Variants in SYT7 observed in about 807,000 individuals in gnomAD.
The protein encoded by SYT7 is synaptotagmin-7.
In SYT7, 29 loss-of-function variants were observed where a neutral mutation model predicts 75.1. The ratio of observed to expected loss-of-function variants is 0.39; its 90% CI spans 0.29 to 0.53. The LOEUF is 0.53. Ranked by LOEUF, SYT7 falls within the 20% of genes least tolerant of loss-of-function variation. The pLI, the probability that SYT7 is intolerant of heterozygous loss-of-function variation, is 0.77. For synonymous variants in SYT7, 376 were observed against 401.7 expected, an observed-to-expected ratio of 0.94 and a Z score of 0.76; for missense variants, 693 against 953.2, an observed-to-expected ratio of 0.73 and a Z score of 3.59.
chr11:61,524,084 C>T lies in SYT7; in HGVS notation c.1642-143G>A, dbSNP rs937236079. 10 of 818,208 alleles carry T rather than the reference C, an allele frequency of 1.2e-5. No homozygotes were observed. The highest frequency in any genetic ancestry group is 2.0e-5 in the Non-Finnish European group (10 of 507,472). 50.7% of individuals were successfully genotyped at this position (818,208 alleles called of 1,614,324 possible). ...CACCTCTGTCTCACTCTGTCTCCCC[C>T]CATCTGGCAGGTGTGTGTACTGCCC... On this transcript the variant is annotated intron_variant, in intron 10 of 12. Coordinates refer to ENST00000539008, the MANE Select transcript of SYT7 (RefSeq NM_001365809.2). This position sits in a 1 kb window ranked among gnomAD's most constrained non-coding sequence, Gnocchi z 4.1.
chr11:61,539,677 T>A (rs2062985398), intron 6 of SYT7: 1 of 152,152 alleles, frequency 6.6e-6, no homozygotes, highest in African/African-American at 2.4e-5. Flanking sequence ...CTCTAACTTC[T>A]CAGAGCAGTT....
chr11:61,573,579 C>T (rs980677923), intron 1 of SYT7, among the ~76,000 whole-genome samples: 3 of 152,256 alleles, frequency 2.0e-5, no homozygotes, highest in Non-Finnish European at 4.4e-5. Context: ...CATGGCACTC[C>T]ATGCCTTACT....
chr11:61,536,391 G>C (rs1056997267), intron 7 of SYT7, among the ~76,000 whole-genome samples: 1 of 152,126 alleles, frequency 6.6e-6, no homozygotes, highest in African/African-American at 2.4e-5. Flanking sequence ...GCTCCCTCAC[G>C]CTTCACACCT....
intron 7 of SYT7, among the ~76,000 whole-genome samples, chr11:61,536,774 C>T (rs1427659542): frequency 1.3e-5 from 2 of 152,172 alleles, no homozygotes; most frequent in Non-Finnish European, 2.9e-5. Flanking sequence ...ACAGGCAAGC[C>T]AGCCATCTTG....
chr11:61,524,371 C>A lies in SYT7; in HGVS notation c.1633G>T (p.Asp545Tyr). 6.2e-7 allele frequency: 1 copy of A among 1,614,078 alleles called. No homozygotes were observed. The highest frequency in any genetic ancestry group is 8.5e-7 in the Non-Finnish European group (1 of 1,179,974). ...CACCCATGGGGCCTTACACTCCCAT[C>A]GCTGCATGGCTTCAGATCCTTCCAG... is the stretch of plus-strand genomic sequence containing the variant. ...TFWKDLKPCS[D>Y]GSGSRGELLL... Residue 545 changes from aspartate (D) to tyrosine (Y), a missense_variant, in exon 10 of 13, where the codon GAT becomes TAT. This residue lies in a region of SYT7 where 206 missense variants were observed against 360.0 expected (regional missense o/e 0.57). Transcript: ENST00000539008. This position sits in a 1 kb window ranked among gnomAD's most constrained non-coding sequence, Gnocchi z 4.1.
rs900120300 is a variant in SYT7, at chr11:61,524,719, A to G, written c.1472-187T>C. 2 of 549,454 alleles carry G rather than the reference A, an allele frequency of 3.6e-6. No homozygotes were observed. The highest frequency in any genetic ancestry group is 6.3e-6 in the Non-Finnish European group (2 of 315,692). The allele number at this position is 549,454 out of a possible 1,614,324, so 34.0% of individuals were successfully genotyped here. On this transcript the variant is annotated intron_variant, in intron 9 of 12. Transcript: ENST00000539008. The surrounding 1 kb of genome is among the most constrained non-coding windows in gnomAD (Gnocchi z 4.1). The stretch of plus-strand genomic sequence containing the variant: ...TGCTAGCAAGAACTGTCACCGTCTC[A>G]TGGGATTCCCTCAACAATTCTCCAA...
chr11:61,548,907 G>A (rs1565190499), intron 3 of SYT7, among the ~76,000 whole-genome samples: 1 of 152,188 alleles, frequency 6.6e-6, no homozygotes, highest in Non-Finnish European at 1.5e-5. Flanking sequence ...GGGACTCTGT[G>A]TACAGGGTTC....
At chr11:61,518,873 C>A (rs750764402) in intron 12 of SYT7, 142 bp from the exon 13 acceptor site, 12 of 505,740 alleles carry the variant, frequency 2.4e-5, no homozygotes, top group Non-Finnish European at 4.1e-5. Flanking sequence ...ACCTACCCCA[C>A]AGAGGCGCTC....
chr11:61,572,187 T>C (rs1590952419), intron 1 of SYT7, among the ~76,000 whole-genome samples: 2 of 149,756 alleles, frequency 1.3e-5, no homozygotes, highest in South Asian at 4.2e-4. Flanking sequence ...GAGAGAGGGG[T>C]TCCTCCCCTT....
In SYT7 at chr11:61,536,968, C is replaced by T. The variant is rs552596151; in HGVS notation, c.1064+1176G>A. Among the ~76,000 whole-genome samples the T allele has an allele frequency of 2.8e-4, 43 of 152,296 alleles. 1 individual carries two copies. Among genetic ancestry groups the T allele is most frequent in the Admixed American group, 2.4e-3 (36 of 15,298 alleles). On this transcript the variant is annotated intron_variant, in intron 7 of 12. Coordinates refer to ENST00000539008, the MANE Select transcript of SYT7 (RefSeq NM_001365809.2). ...TCCCTCATGAAAAGCTTAGCATATC[C>T]GAGCCTGAGGGGCCATTCCTTAGAG...
Position 61,523,026 on chromosome 11 carries a change from A to T in SYT7, c.1956+49T>A. 6.3e-7 allele frequency: 1 copy of T among 1,598,842 alleles called. No individual in the cohort carries two copies. Among genetic ancestry groups the T allele is most frequent in the African/African-American group, 1.3e-5 (1 of 74,694 alleles). ...CCCCGCTGCTTCTTTTAAGGAACGG[A>T]GCCTCACTGGTGCCAGCAGGTGCAC... On this transcript the variant is annotated intron_variant, in intron 12 of 12. Coordinates refer to ENST00000539008, the MANE Select transcript of SYT7 (RefSeq NM_001365809.2). This position sits in a 1 kb window ranked among gnomAD's most constrained non-coding sequence, Gnocchi z 5.0.
chr11:61,551,538 G>A lies in SYT7; in HGVS notation c.136-75C>T. ...CCTACCTCCCCAGAACAGGGACCCG[G>A]AGGGGAAGGAGATAGACTGGAGTCG... On this transcript the variant is annotated intron_variant, in intron 2 of 12. Transcript: ENST00000539008. This position sits in a 1 kb window ranked among gnomAD's most constrained non-coding sequence, Gnocchi z 5.3. 1 of 1,463,988 alleles carries A rather than the reference G, an allele frequency of 6.8e-7. No homozygotes were observed. Among genetic ancestry groups the A allele is most frequent in the Non-Finnish European group, 9.5e-7 (1 of 1,052,894 alleles). The allele number at this position is 1,463,988 out of a possible 1,614,324, so 90.7% of individuals were successfully genotyped here. A position where few individuals can be genotyped will look rare whatever the true frequency, so the allele number is the denominator to read the frequency against.
chr11:61,558,826 T>G (rs2135366283), intron 1 of SYT7, among the ~76,000 whole-genome samples: 1 of 152,248 alleles, frequency 6.6e-6, no homozygotes, highest in South Asian at 2.1e-4. Flanking sequence ...CACTGCAACC[T>G]CCACCTCCAT....
At chr11:61,573,229 GACTA>G (rs1218589938) in intron 1 of SYT7, among the ~76,000 whole-genome samples, 5 of 152,138 alleles carry the variant, frequency 3.3e-5, no homozygotes, top group East Asian at 1.9e-4. Context: ...TCCTCAAAAG[GACTA>G]ACTGTGTCCA....
chr11:61,533,229 CA>C, intron 7 of SYT7, 105 bp from the exon 8 acceptor site: 1 of 1,475,620 alleles, frequency 6.8e-7, no homozygotes, highest in South Asian at 1.4e-5. Context: ...CAGCAGCTGC[CA>C]TGCCCGGCGG....
Position 61,515,931 on chromosome 11 carries a change from A to T in SYT7, c.*2696T>A, listed in dbSNP as rs1010467969. On this transcript the variant is annotated 3_prime_UTR_variant, in exon 13 of 13. Coordinates refer to ENST00000539008, the MANE Select transcript of SYT7 (RefSeq NM_001365809.2). ...AGGATTCGGTAATTACACTTTGCTC[A>T]CGGGTAGCACCTTCGGAGTCCTCCT... is the stretch of plus-strand genomic sequence containing the variant. 3.9e-5 allele frequency: 6 copies of T among 152,570 alleles called. No homozygotes were observed. The highest frequency in any genetic ancestry group is 8.8e-5 in the Non-Finnish European group (6 of 68,042). The allele number at this position is 152,570 out of a possible 1,614,324, so 9.5% of individuals were successfully genotyped here.
intron 1 of SYT7, among the ~76,000 whole-genome samples, chr11:61,560,388 C>A (rs924120778): frequency 6.6e-6 from 1 of 152,124 alleles, no homozygotes; most frequent in Non-Finnish European, 1.5e-5. Context: ...TGAGCTTTTG[C>A]AGAATATTCC....
rs1403284936 is a variant in SYT7 at position 61,580,991 on chromosome 11, A to G, written c.-171T>C. On this transcript the variant is annotated 5_prime_UTR_variant, in exon 1 of 13. Coordinates refer to ENST00000539008, the MANE Select transcript of SYT7 (RefSeq NM_001365809.2). This position sits in a 1 kb window ranked among gnomAD's most constrained non-coding sequence, Gnocchi z 6.1. ...AGCCGGGGAGCGGGGGCCGCCCGCC[A>G]GCCCTCCCGCCCGCCCGCGGAGCAC... 2 of 948,490 alleles carry G rather than the reference A, an allele frequency of 2.1e-6. No homozygotes were observed. Among genetic ancestry groups the G allele is most frequent in the Non-Finnish European group, 2.5e-6 (2 of 799,668 alleles). 58.8% of individuals were successfully genotyped at this position (948,490 alleles called of 1,614,324 possible).
At chr11:61,552,184 C>T (rs1415330885) in intron 2 of SYT7, among the ~76,000 whole-genome samples, 1 of 152,104 alleles carries the variant, frequency 6.6e-6, no homozygotes, top group Non-Finnish European at 1.5e-5. Flanking sequence ...AAGGAAGGGC[C>T]GTGGCCACAG....
Sources: allele counts gnomAD v4.1 joint callset (sites outside exome capture counted in the v4.1 genomes callset), GRCh38; gene constraint gnomAD v4.1.1; regional missense constraint gnomAD v4.1.1; non-coding constraint Gnocchi (gnomAD v3.1); transcripts MANE v1.5; gene names NCBI Gene and HGNC (gene_info 2026-07-23, HGNC 2026-07-21).